Variants in LRRC4C observed in about 807,000 individuals in gnomAD.
LRRC4C encodes the protein leucine-rich repeat-containing protein 4C.
Under a neutral mutation model 33.6 loss-of-function variants are expected in LRRC4C, and 5 were observed. The observed-to-expected ratio is 0.15, with a 90% CI of 0.08 to 0.31. The LOEUF (loss-of-function observed/expected upper bound fraction) is 0.31, where lower values mean the gene tolerates loss of function less well. LRRC4C is among the 10% of genes least tolerant of loss of function. The probability of loss-of-function intolerance (pLI) is 1.00; values close to 1 mark genes in which losing one functional copy is unlikely to be tolerated. For missense variants in LRRC4C, 560 were observed against 796.7 expected, an observed-to-expected ratio of 0.70 and a Z score of 3.58; for synonymous variants, 329 against 302.0, an observed-to-expected ratio of 1.09 and a Z score of -0.93.
At chr11:40,527,698 G>A (rs1956109705) in intron 3 of LRRC4C, among the ~76,000 whole-genome samples, 1 of 152,142 alleles carries the variant, frequency 6.6e-6, no homozygotes, top group African/African-American at 2.4e-5. Flanking sequence ...AATAGATAAT[G>A]AGTAGATAGT....
chr11:41,112,940 CTG>C (rs1434294093), intron 1 of LRRC4C, among the ~76,000 whole-genome samples: 2 of 151,974 alleles, frequency 1.3e-5, no homozygotes, highest in Non-Finnish European at 2.9e-5. Flanking sequence ...GTGTGTATGA[CTG>C]TGCATGCAGG....
intron 1 of LRRC4C, among the ~76,000 whole-genome samples, chr11:41,335,752 T>C (rs1951432966): frequency 6.6e-6 from 1 of 152,218 alleles, no homozygotes; most frequent in South Asian, 2.1e-4. Flanking sequence ...ACTTCCCAGA[T>C]GCATTACAAT....
intron 5 of LRRC4C, among the ~76,000 whole-genome samples, chr11:40,157,484 G>A (rs1248251717): frequency 2.0e-5 from 3 of 152,102 alleles, no homozygotes; most frequent in African/African-American, 7.2e-5. Flanking sequence ...CCCACAGAGT[G>A]GGAGAAAATC....
intron 1 of LRRC4C, among the ~76,000 whole-genome samples, chr11:41,109,411 A>C (rs1423417491): frequency 6.6e-6 from 1 of 152,078 alleles, no homozygotes; most frequent in Non-Finnish European, 1.5e-5. Context: ...GATGGTTTAG[A>C]TATACTGTTA....
chr11:40,609,004 T>C (rs189059216), intron 3 of LRRC4C, among the ~76,000 whole-genome samples: 9 of 152,234 alleles, frequency 5.9e-5, no homozygotes, highest in African/African-American at 2.2e-4. Context: ...CCGCTTTCAG[T>C]AATTGATAGA....
chr11:40,537,262 G>A (rs760367522), intron 3 of LRRC4C, among the ~76,000 whole-genome samples: 24 of 152,164 alleles, frequency 1.6e-4, no homozygotes, highest in Non-Finnish European at 2.8e-4. Flanking sequence ...GTGACAGCAC[G>A]CTCTATTCTC....
chr11:41,424,619 G>A (rs751248827), intron 1 of LRRC4C, among the ~76,000 whole-genome samples: 1 of 152,026 alleles, frequency 6.6e-6, no homozygotes, highest in South Asian at 2.1e-4. Context: ...CCAAGATGGA[G>A]TACATTGATA....
intron 4 of LRRC4C, among the ~76,000 whole-genome samples, chr11:40,297,074 T>C (rs1387120084): frequency 1.3e-5 from 2 of 152,204 alleles, no homozygotes; most frequent in Non-Finnish European, 2.9e-5. Context: ...GTGTAATCAT[T>C]AGCAAACAGC....
chr11:40,445,019 A>G (rs190144601), intron 3 of LRRC4C, among the ~76,000 whole-genome samples: 15 of 152,204 alleles, frequency 9.9e-5, no homozygotes, highest in African/African-American at 3.4e-4. Flanking sequence ...CCCAAGGTCA[A>G]CTTTGGGGTC....
intron 1 of LRRC4C, among the ~76,000 whole-genome samples, chr11:40,987,329 T>A (rs1853087861): frequency 6.6e-6 from 1 of 152,138 alleles, no homozygotes; most frequent in Non-Finnish European, 1.5e-5. Context: ...GCAGCTGTAT[T>A]CCTGTTTTGT....
chr11:40,748,719 A>T (rs550437579), intron 2 of LRRC4C, among the ~76,000 whole-genome samples: 36 of 152,148 alleles, frequency 2.4e-4, no homozygotes, highest in Non-Finnish European at 3.7e-4. Context: ...ATCTAACTAT[A>T]TGCTGCCTAC....
chr11:41,439,752 T>C (rs1955553162), intron 1 of LRRC4C, among the ~76,000 whole-genome samples: 1 of 152,210 alleles, frequency 6.6e-6, no homozygotes, highest in Admixed American at 6.5e-5. Context: ...AGATGGTGGC[T>C]GTGTGGAAAG....
At chr11:40,572,031 T>C (rs1157243679) in intron 3 of LRRC4C, among the ~76,000 whole-genome samples, 3 of 152,134 alleles carry the variant, frequency 2.0e-5, no homozygotes, top group Non-Finnish European at 2.9e-5. Context: ...ATTCCTTCCT[T>C]ATAGTCCACC....
intron 3 of LRRC4C, among the ~76,000 whole-genome samples, chr11:40,360,200 C>A (rs962129963): frequency 6.6e-6 from 1 of 152,068 alleles, no homozygotes; most frequent in Non-Finnish European, 1.5e-5. Flanking sequence ...TTCTGACTGA[C>A]CATTTGGAGA....
At chr11:40,884,460 C>A (rs1208317309) in intron 2 of LRRC4C, among the ~76,000 whole-genome samples, 1 of 152,024 alleles carries the variant, frequency 6.6e-6, no homozygotes, top group Non-Finnish European at 1.5e-5. Context: ...AATGTTATTT[C>A]TGGTTCTAGA....
chr11:41,285,259 A>G (rs763993396), intron 1 of LRRC4C, among the ~76,000 whole-genome samples: 6 of 152,176 alleles, frequency 3.9e-5, no homozygotes, highest in Non-Finnish European at 8.8e-5. Flanking sequence ...TCATCCATCC[A>G]TTCATTCATC....
At position 40,513,828 on chromosome 11, in the gene LRRC4C, T is replaced by G. The variant is rs1955444379; in HGVS notation, c.-270+134314A>C. On this transcript the variant is annotated intron_variant, in intron 3 of 6. Transcript: ENST00000528697. Reference sequence around the variant, plus strand: ...TCTAATCAGTTTTTTGGCTTCCATTTTCTTTTTTCTTACTCAGATAAAAGT... The same window carrying G: ...TCTAATCAGTTTTTTGGCTTCCATTGTCTTTTTTCTTACTCAGATAAAAGT... Among the ~76,000 whole-genome samples, 3 of 152,210 alleles carry G rather than the reference T, an allele frequency of 2.0e-5. No individual in the cohort carries two copies. In the South Asian group the frequency reaches 6.2e-4, roughly 32 times the overall value.
chr11:41,174,596 G>A (rs955717382), intron 1 of LRRC4C, among the ~76,000 whole-genome samples: 6 of 151,706 alleles, frequency 4.0e-5, no homozygotes, highest in African/African-American at 1.2e-4. Context: ...ATGTGCTATT[G>A]CAATTTTCTG....
chr11:40,253,059 C>T (rs909006085), intron 4 of LRRC4C, among the ~76,000 whole-genome samples: 1 of 152,200 alleles, frequency 6.6e-6, no homozygotes, highest in African/African-American at 2.4e-5. Context: ...ACCAAATCCT[C>T]CAATTATTCC....
Sources: allele counts gnomAD v4.1 joint callset (sites outside exome capture counted in the v4.1 genomes callset), GRCh38; gene constraint gnomAD v4.1.1; transcripts MANE v1.5; gene names NCBI Gene and HGNC (gene_info 2026-07-23, HGNC 2026-07-21).